Variants in CENPU observed in about 807,000 individuals in gnomAD.
CENPU encodes the protein KSHV latent nuclear antigen interacting protein 1.
A neutral mutation model predicts 56.7 loss-of-function variants in CENPU; 46 were observed. That is an observed-to-expected ratio of 0.81 (90% CI 0.64 to 1.04). The LOEUF is 1.04. Ranked by LOEUF, CENPU falls within the 50% of genes least tolerant of loss-of-function variation. The pLI is 0.00. For missense variants in CENPU, 510 were observed against 490.1 expected (o/e 1.04, Z -0.38); for synonymous variants, 166 against 163.0 (o/e 1.02, Z -0.14).
intron 6 of CENPU, among the ~76,000 whole-genome samples, chr4:184,713,662 C>T (rs1760996751): frequency 6.6e-6 from 1 of 152,150 alleles, no homozygotes; most frequent in South Asian, 2.1e-4. Flanking sequence ...TTGCCATAAA[C>T]AACCATAAAA....
intron 6 of CENPU, among the ~76,000 whole-genome samples, chr4:184,715,044 A>G (rs1761043534): frequency 6.6e-6 from 1 of 152,214 alleles, no homozygotes; most frequent in Non-Finnish European, 1.5e-5. Flanking sequence ...CAATTTGTGT[A>G]AAGACAGGAA....
chr4:184,698,792 C>T (rs190944157), intron 11 of CENPU, among the ~76,000 whole-genome samples: 63 of 152,278 alleles, frequency 4.1e-4, no homozygotes, highest in Admixed American at 3.7e-3. Context: ...CTGGGGAAAA[C>T]TCACTACTGA....
Position 184,709,557 on chromosome 4 carries a change from T to C in CENPU, c.797+515A>G, listed in dbSNP as rs539608989. Among the ~76,000 whole-genome samples the C allele has an allele frequency of 7.9e-5, 12 of 152,118 alleles. No individual in the cohort carries two copies. In the South Asian group the frequency reaches 2.3e-3, roughly 29 times the overall value. On this transcript the variant is annotated intron_variant, in intron 8 of 12. Coordinates refer to ENST00000281453, the MANE Select transcript of CENPU (RefSeq NM_024629.4). ...GCATATTAGTATCAGGTAAAATAAA[T>C]TTTAAGACAAAGTATGTTTAGGAAT...
At chr4:184,721,903 CAG>C (rs1362641605) in intron 4 of CENPU, among the ~76,000 whole-genome samples, 18 of 152,214 alleles carry the variant, frequency 1.2e-4, no homozygotes, top group Admixed American at 4.6e-4. Flanking sequence ...ATGGACCTAA[CAG>C]ATATTTACAG....
At chr4:184,716,332 TTTTC>T in intron 6 of CENPU, 61 bp downstream of exon 6, 3 of 1,026,718 alleles carry the variant, frequency 2.9e-6, no homozygotes, top group Non-Finnish European at 4.4e-6. Flanking sequence ...AAATGCTTCA[TTTTC>T]TTCCCCAAAA....
intron 6 of CENPU, among the ~76,000 whole-genome samples, chr4:184,713,510 A>G (rs1760992593): frequency 6.6e-6 from 1 of 152,244 alleles, no homozygotes; most frequent in Non-Finnish European, 1.5e-5. Flanking sequence ...AAAATAAGAG[A>G]AAATAAAACT....
intron 8 of CENPU, among the ~76,000 whole-genome samples, chr4:184,705,938 T>C (rs1760712996): frequency 1.3e-5 from 2 of 152,188 alleles, no homozygotes; most frequent in African/African-American, 4.8e-5. Context: ...AGAAGGGTGG[T>C]TGCCAAGCAC....
chr4:184,725,154 T>A (rs1579793815), intron 3 of CENPU, 92 bp from the exon 4 acceptor site: 1 of 675,412 alleles, frequency 1.5e-6, no homozygotes, highest in East Asian at 2.7e-5. Context: ...TACAAAACAA[T>A]CTTTGTTCAA....
At position 184,694,553 on chromosome 4, in the gene CENPU, A is replaced by T; in HGVS notation, c.*735T>A. 2 of 1,613,446 alleles carry T rather than the reference A, an allele frequency of 1.2e-6. No homozygotes were observed. The highest frequency in any genetic ancestry group is 1.7e-6 in the Non-Finnish European group (2 of 1,179,882). ...GAGTTTACAACAGATGAAGCAGATG[A>T]AACTAGGAGCAATGAAACCCAGAAT... On this transcript the variant is annotated 3_prime_UTR_variant, in exon 13 of 13. Coordinates refer to ENST00000281453, the MANE Select transcript of CENPU (RefSeq NM_024629.4).
chr4:184,728,884 G>C (rs755015646), intron 3 of CENPU, 34 bp downstream of exon 3: 2 of 1,483,590 alleles, frequency 1.3e-6, no homozygotes, highest in South Asian at 2.3e-5. Context: ...TGTTGCTTTA[G>C]AGTTATGTTA....
chr4:184,714,310 G>C lies in CENPU; in HGVS notation c.619-1297C>G, dbSNP rs138232901. On this transcript the variant is annotated intron_variant, in intron 6 of 12. Transcript: ENST00000281453. ...GGAAAAAGATAACAAATGGAAACTA[G>C]TATCTACAGGCAGGCAATCAGTGAA... Among the ~76,000 whole-genome samples, 522 of 152,228 alleles carry C rather than the reference G, an allele frequency of 3.4e-3. 5 individuals carry two copies. Among genetic ancestry groups the C allele is most frequent in the African/African-American group, 0.012 (504 of 41,520 alleles).
At chr4:184,698,449 C>CT (rs1760414611) in intron 11 of CENPU, 1 of 152,108 alleles carries the variant, frequency 6.6e-6, no homozygotes, top group African/African-American at 2.4e-5. Flanking sequence ...ATAAAAACGT[C>CT]TTTTTTGTTT....
chr4:184,700,824 G>T lies in CENPU; in HGVS notation c.982C>A (p.Leu328Ile), dbSNP rs749971572. Residue 328 changes from leucine (L) to isoleucine (I), a missense_variant, in exon 11 of 13, where the codon CTT becomes ATT. Physicochemically the swap from Leu to Ile is conservative, Grantham distance 5 (BLOSUM62 2). Transcript: ENST00000281453. Reference protein sequence around the residue: ...QRMIEVQDELLRLEPQLKQLQ... With the variant: ...QRMIEVQDELIRLEPQLKQLQ... ...CAGGATTTGACAGTATCTTACCGAA[G>T]CAGTTCATCCTGGACTTCAATCATA... 6.2e-7 allele frequency: 1 copy of T among 1,613,398 alleles called. No homozygotes were observed. The highest frequency in any genetic ancestry group is 8.5e-7 in the Non-Finnish European group (1 of 1,179,324).
At chr4:184,698,412 T>C (rs894837067) in intron 11 of CENPU, 3 of 152,212 alleles carry the variant, frequency 2.0e-5, no homozygotes, top group African/African-American at 7.2e-5. Flanking sequence ...AATAAAGATA[T>C]AAAACACAAT....
At position 184,725,917 on chromosome 4, in the gene CENPU, C is replaced by A. The variant is rs530560547; in HGVS notation, c.215-855G>T. Among the ~76,000 whole-genome samples, 3 of 152,244 alleles carry A rather than the reference C, an allele frequency of 2.0e-5. No homozygotes were observed. The South Asian group carries it at 6.2e-4, about 32-fold the overall frequency. ...CAGGAAAGAGGAGTAACAGGAGAGA[C>A]CCAGGACTTAACGCAGGGGTAGAGA... On this transcript the variant is annotated intron_variant, in intron 3 of 12. Coordinates refer to ENST00000281453, the MANE Select transcript of CENPU (RefSeq NM_024629.4).
At chr4:184,714,401 C>T (rs1761023294) in intron 6 of CENPU, among the ~76,000 whole-genome samples, 1 of 152,076 alleles carries the variant, frequency 6.6e-6, no homozygotes, top group Admixed American at 6.6e-5. Context: ...AAAAAAACAA[C>T]TCTTTCAAGC....
chr4:184,719,765 G>T lies in CENPU; in HGVS notation c.321-2569C>A, dbSNP rs143901278. On this transcript the variant is annotated intron_variant, in intron 4 of 12. Transcript: ENST00000281453. ...TTCTGTGAGAGGAGAGGAGAGGGAA[G>T]AGTGGAGAGGACTTTGTTTTCCATC... is the stretch of plus-strand genomic sequence containing the variant. Among the ~76,000 whole-genome samples the T allele has an allele frequency of 8.5e-5, 13 of 152,330 alleles. No individual in the cohort carries two copies. In the South Asian group the frequency reaches 1.4e-3, roughly 17 times the overall value.
chr4:184,702,155 A>G lies in CENPU; in HGVS notation c.877-19T>C. On this transcript the variant is annotated intron_variant, in intron 9 of 12. Coordinates refer to ENST00000281453, the MANE Select transcript of CENPU (RefSeq NM_024629.4). ...CTTTAAGCTACACAAAACAAAAAATACACATGTACATCAGTTTCCAAAAGT... is the reference window on the plus strand; with the variant it reads ...CTTTAAGCTACACAAAACAAAAAATGCACATGTACATCAGTTTCCAAAAGT... The G allele has an allele frequency of 6.3e-7, 1 of 1,577,532 alleles. No homozygotes were observed. The highest frequency in any genetic ancestry group is 8.7e-7 in the Non-Finnish European group (1 of 1,149,976).
intron 5 of CENPU, 136 bp downstream of exon 5, chr4:184,717,000 A>G: frequency 1.6e-6 from 1 of 644,290 alleles, no homozygotes; most frequent in South Asian, 2.2e-5. Flanking sequence ...TTTATGAAAA[A>G]TGGTGCTACG....
Sources: gnomAD v4.1 joint callset for allele counts (sites outside exome capture counted in the v4.1 genomes callset) on GRCh38, gnomAD v4.1.1 for gene constraint, MANE v1.5 for transcripts, NCBI Gene and HGNC (gene_info 2026-07-23, HGNC 2026-07-21) for gene names.